The following PTP4A3 variants were observed in gnomAD, a reference collection of about 807,000 sequenced individuals.
PTP4A3 encodes protein tyrosine phosphatase type IVA 3.
A neutral mutation model predicts 15.2 loss-of-function variants in PTP4A3; 9 were observed. That is an observed-to-expected ratio of 0.59 (90% CI 0.36 to 1.03). PTP4A3 has a LOEUF of 1.03. PTP4A3 is among the 50% of genes least tolerant of loss of function. PTP4A3 has a pLI of 0.02. For missense variants in PTP4A3, 234 were observed against 252.1 expected (o/e 0.93, Z 0.49); for synonymous variants, 95 against 102.0 (o/e 0.93, Z 0.41).
rs1232876460 is a variant in PTP4A3 at position 141,425,786 on chromosome 8, A to G, written c.198+646A>G. Among the ~76,000 whole-genome samples, 15 of 151,686 alleles carry G rather than the reference A, an allele frequency of 9.9e-5. No individual in the cohort carries two copies. Among genetic ancestry groups the G allele is most frequent in the African/African-American group, 2.9e-4 (12 of 41,234 alleles). On this transcript the variant is annotated intron_variant, in intron 3 of 5. Transcript: ENST00000521578. This position sits in a 1 kb window ranked among gnomAD's most constrained non-coding sequence, Gnocchi z 4.2. ...CTCAGTCACTGCTTTTCATCCCAGG[A>G]CTCTGCTTTTGGCTGGGGTTGCAGT...
chr8:141,397,631 G>C (rs1341546308), intron 1 of PTP4A3, among the ~76,000 whole-genome samples: 1 of 152,218 alleles, frequency 6.6e-6, no homozygotes, highest in Non-Finnish European at 1.5e-5. Context: ...GCGGGTATTG[G>C]TCATGAGAAC....
intron 1 of PTP4A3, among the ~76,000 whole-genome samples, chr8:141,400,891 C>T (rs1832573586): frequency 6.6e-6 from 1 of 152,124 alleles, no homozygotes; most frequent in African/African-American, 2.4e-5. Flanking sequence ...GAGCATGTGT[C>T]CCCAAGACTT....
intron 2 of PTP4A3, among the ~76,000 whole-genome samples, chr8:141,424,006 A>G (rs1011589902): frequency 1.3e-5 from 2 of 151,758 alleles, no homozygotes; most frequent in Non-Finnish European, 2.9e-5. Context: ...TCAGTGTGTG[A>G]CCAGGATCAG....
intron 1 of PTP4A3, among the ~76,000 whole-genome samples, chr8:141,397,546 G>C (rs1236951962): frequency 1.3e-5 from 2 of 152,252 alleles, no homozygotes; most frequent in Non-Finnish European, 2.9e-5. Flanking sequence ...GCTGGCCTCA[G>C]TTGGGAGTCC....
intron 1 of PTP4A3, among the ~76,000 whole-genome samples, chr8:141,409,449 G>C (rs1458858461): frequency 6.6e-6 from 1 of 152,196 alleles, no homozygotes; most frequent in Non-Finnish European, 1.5e-5. Context: ...CTGCCTGCAG[G>C]CCTGGTGATT....
rs1019818518 is a variant in PTP4A3, at chr8:141,421,691, A to T, written c.-550A>T. On this transcript the variant is annotated 5_prime_UTR_variant, in exon 2 of 6. Coordinates refer to ENST00000521578, the MANE Select transcript of PTP4A3 (RefSeq NM_032611.3). ...GTGACCCCTGGCCCAAGGCAGCTGG[A>T]GTTGGTTCAGTTCAAGTTCATTCTT... The T allele has an allele frequency of 6.5e-6, 1 of 153,948 alleles. No homozygotes were observed. The highest frequency in any genetic ancestry group is 1.4e-5 in the Non-Finnish European group (1 of 69,412). 9.5% of individuals were successfully genotyped at this position (153,948 alleles called of 1,614,324 possible).
chr8:141,393,344 G>A (rs530597091), intron 1 of PTP4A3, among the ~76,000 whole-genome samples: 1 of 152,290 alleles, frequency 6.6e-6, no homozygotes, highest in East Asian at 1.9e-4. Context: ...TAGGCATTGG[G>A]GATCTCCCCA....
intron 3 of PTP4A3, among the ~76,000 whole-genome samples, chr8:141,426,185 C>T (rs983374737): frequency 6.6e-6 from 1 of 152,166 alleles, no homozygotes; most frequent in Non-Finnish European, 1.5e-5. Context: ...TCCCTGGTAC[C>T]AGACAGCCCC....
At position 141,425,913 on chromosome 8, in the gene PTP4A3, G is replaced by A. The variant is rs79069823; in HGVS notation, c.198+773G>A. Among the ~76,000 whole-genome samples, 602 of 152,282 alleles carry A rather than the reference G, an allele frequency of 4.0e-3. 1 individual carries two copies. The highest frequency in any genetic ancestry group is 5.8e-3 in the Non-Finnish European group (392 of 68,008). On this transcript the variant is annotated intron_variant, in intron 3 of 5. Transcript: ENST00000521578. The surrounding 1 kb of genome is among the most constrained non-coding windows in gnomAD (Gnocchi z 4.2). ...CCGCCTCTGCCCTCCCCAGCCTTGC[G>A]ACCCTGCAGGTCACTCCGAGCCTTG...
chr8:141,413,429 T>TGCCAGG (rs1298382969), intron 1 of PTP4A3, among the ~76,000 whole-genome samples: 1 of 152,242 alleles, frequency 6.6e-6, no homozygotes, highest in Non-Finnish European at 1.5e-5. Flanking sequence ...GCAGGCCTAA[T>TGCCAGG]GCCAGGGCCA....
intron 1 of PTP4A3, among the ~76,000 whole-genome samples, chr8:141,420,485 A>C (rs1833276693): frequency 6.6e-6 from 1 of 152,134 alleles, no homozygotes; most frequent in South Asian, 2.1e-4. Flanking sequence ...TGAGACCCAG[A>C]AAGGGAGAGA....
Position 141,427,053 on chromosome 8 carries a change from G to A in PTP4A3, c.313G>A (p.Val105Met), listed in dbSNP as rs762531825. The A allele has an allele frequency of 3.8e-6, 6 of 1,599,366 alleles. No homozygotes were observed. The highest frequency in any genetic ancestry group is 1.7e-5 in the Admixed American group (1 of 59,954). ...CGGCAGCTGCGTGGCTGTGCACTGCGTGGCGGGCCTGGGCCGGTGAGTGTC... is the reference window on the plus strand; with the variant it reads ...CGGCAGCTGCGTGGCTGTGCACTGCATGGCGGGCCTGGGCCGGTGAGTGTC... Reference protein sequence around the residue: ...APGSCVAVHCVAGLGRAPVLV... With the variant: ...APGSCVAVHCMAGLGRAPVLV... The change falls in exon 4 of 6, where the codon GTG (valine) becomes ATG (methionine). Residue 105 changes from valine (V) to methionine (M), a missense_variant. Coordinates refer to ENST00000521578, the MANE Select transcript of PTP4A3 (RefSeq NM_032611.3).
intron 5 of PTP4A3, among the ~76,000 whole-genome samples, chr8:141,428,613 T>A (rs1041211203): frequency 2.0e-5 from 3 of 151,506 alleles, no homozygotes; most frequent in Non-Finnish European, 4.4e-5. Context: ...TGTGTGAGAG[T>A]GTGGCCCGCC....
intron 1 of PTP4A3, among the ~76,000 whole-genome samples, chr8:141,417,282 A>G (rs188620952): frequency 6.6e-4 from 100 of 152,262 alleles, no homozygotes; most frequent in African/African-American, 2.3e-3. Flanking sequence ...CCTCACCAGT[A>G]CGCTAGGAGA....
At chr8:141,414,759 G>A (rs1046110509) in intron 1 of PTP4A3, among the ~76,000 whole-genome samples, 2 of 151,948 alleles carry the variant, frequency 1.3e-5, no homozygotes, top group Admixed American at 6.5e-5. Flanking sequence ...CTTAGTGACC[G>A]CTCTCTGCCC....
In PTP4A3 at chr8:141,425,194, G is replaced by T; in HGVS notation, c.198+54G>T. 7.1e-7 allele frequency: 1 copy of T among 1,417,044 alleles called. No homozygotes were observed. The highest frequency in any genetic ancestry group is 1.2e-5 in the South Asian group (1 of 85,124). The allele number at this position is 1,417,044 out of a possible 1,614,324, so 87.8% of individuals were successfully genotyped here. A position where few individuals can be genotyped will look rare whatever the true frequency, so the allele number is the denominator to read the frequency against. On this transcript the variant is annotated intron_variant, in intron 3 of 5. Coordinates refer to ENST00000521578, the MANE Select transcript of PTP4A3 (RefSeq NM_032611.3). This position sits in a 1 kb window ranked among gnomAD's most constrained non-coding sequence, Gnocchi z 4.2. The stretch of plus-strand genomic sequence containing the variant: ...CACTGCTGCCACCGGGGGAGGGTGG[G>T]GCGGGGGGCTCCGGGCCTGCGCAGA...
rs148325578 is a variant in PTP4A3 at position 141,431,489 on chromosome 8, G to A, written c.*445G>A. On this transcript the variant is annotated 3_prime_UTR_variant, in exon 6 of 6. Transcript: ENST00000521578. ...AGACCCCGGGGCAGTCAGGTGCTCC[G>A]GACACCCGAAGGCAATAAAACAGGA... 4.9e-3 allele frequency: 793 copies of A among 160,768 alleles called. 8 individuals are homozygous for A. Among genetic ancestry groups the A allele is most frequent in the African/African-American group, 0.018 (734 of 41,716 alleles). The allele number at this position is 160,768 out of a possible 1,614,324, so 10.0% of individuals were successfully genotyped here.
intron 3 of PTP4A3, chr8:141,426,629 G>T (rs1833588553): frequency 1.0e-6 from 1 of 985,344 alleles, no homozygotes; most frequent in African/African-American, 1.7e-5. Flanking sequence ...GGGCTGACAG[G>T]TGTGGGGATT....
In PTP4A3 at chr8:141,425,182, G is replaced by A. The variant is rs754542712; in HGVS notation, c.198+42G>A. The A allele has an allele frequency of 3.9e-5, 57 of 1,456,676 alleles. No individual in the cohort carries two copies. Among genetic ancestry groups the A allele is most frequent in the Middle Eastern group, 1.8e-4 (1 of 5,466 alleles). The allele number at this position is 1,456,676 out of a possible 1,614,324, so 90.2% of individuals were successfully genotyped here. A position where few individuals can be genotyped will look rare whatever the true frequency, so the allele number is the denominator to read the frequency against. ...GGGGACCCTAGTCACTGCTGCCACC[G>A]GGGGAGGGTGGGGCGGGGGGCTCCG... On this transcript the variant is annotated intron_variant, in intron 3 of 5. Coordinates refer to ENST00000521578, the MANE Select transcript of PTP4A3 (RefSeq NM_032611.3). This position sits in a 1 kb window ranked among gnomAD's most constrained non-coding sequence, Gnocchi z 4.2.
Sources: allele counts gnomAD v4.1 joint callset (sites outside exome capture counted in the v4.1 genomes callset), GRCh38; gene constraint gnomAD v4.1.1; non-coding constraint Gnocchi (gnomAD v3.1); transcripts MANE v1.5; gene names NCBI Gene and HGNC (gene_info 2026-07-23, HGNC 2026-07-21).